Variants in ATXN1 observed in about 807,000 individuals in gnomAD.
The protein encoded by ATXN1 is ataxin 1.
In ATXN1, 8 loss-of-function variants were observed where a neutral mutation model predicts 56.4. The ratio of observed to expected loss-of-function variants is 0.14; its 90% confidence interval spans 0.08 to 0.26. The LOEUF is 0.26. ATXN1 is among the 10% of genes least tolerant of loss of function. ATXN1 has a pLI of 1.00. For missense variants in ATXN1, 987 were observed against 1,106.5 expected (o/e 0.89, Z 1.53); for synonymous variants, 514 against 494.6 (o/e 1.04, Z -0.52).
chr6:16,418,737 C>G (rs1248639882), intron 6 of ATXN1, among the ~76,000 whole-genome samples: 1 of 122,924 alleles, frequency 8.1e-6, no homozygotes, highest in Non-Finnish European at 1.7e-5. Flanking sequence ...CACAACAGTC[C>G]CCAGAGTGTG....
chr6:16,358,936 C>T (rs1158207233), intron 6 of ATXN1, among the ~76,000 whole-genome samples: 1 of 152,200 alleles, frequency 6.6e-6, no homozygotes, highest in Non-Finnish European at 1.5e-5. Context: ...AGCCCTGCCC[C>T]TTCCGAGTTG....
At chr6:16,567,114 C>T (rs1286409947) in intron 4 of ATXN1, among the ~76,000 whole-genome samples, 1 of 152,106 alleles carries the variant, frequency 6.6e-6, no homozygotes, top group African/African-American at 2.4e-5. Context: ...TCAATTTTTG[C>T]AAAACCCTTT....
intron 3 of ATXN1, among the ~76,000 whole-genome samples, chr6:16,593,260 C>G (rs9477182): frequency 0.077 from 11,771 of 152,226 alleles, 1,474 homozygotes; most frequent in African/African-American, 0.26. Context: ...AAAACCTCCA[C>G]CACTCAAGGA....
intron 6 of ATXN1, among the ~76,000 whole-genome samples, chr6:16,440,649 A>AAAAAAAAAAAAAAG (rs56105499): frequency 7.9e-5 from 9 of 113,698 alleles, no homozygotes; most frequent in Non-Finnish European, 1.1e-4. Flanking sequence ...TTAAAAAAAA[A>AAAAAAAAAAAAAAG]AAAGAAAAGA....
chr6:16,753,782 A>G (rs971285745), intron 1 of ATXN1, among the ~76,000 whole-genome samples: 2 of 152,248 alleles, frequency 1.3e-5, no homozygotes, highest in Non-Finnish European at 2.9e-5. Flanking sequence ...AACTTGAAAC[A>G]CAATGATGAA....
chr6:16,637,557 A>G (rs72825572), intron 3 of ATXN1, among the ~76,000 whole-genome samples: 2,106 of 152,312 alleles, frequency 0.014, 30 homozygotes, highest in Middle Eastern at 0.027. Context: ...TGAGCACACT[A>G]GAAGTCAACA....
chr6:16,728,373 T>C (rs1288720026), intron 2 of ATXN1, among the ~76,000 whole-genome samples: 2 of 152,102 alleles, frequency 1.3e-5, no homozygotes, highest in African/African-American at 2.4e-5. Flanking sequence ...TGGGGCAGAA[T>C]GAGGACAGGT....
At chr6:16,668,745 G>A (rs537107794) in intron 2 of ATXN1, among the ~76,000 whole-genome samples, 29 of 152,080 alleles carry the variant, frequency 1.9e-4, no homozygotes, top group Admixed American at 1.8e-3. Flanking sequence ...TTTTCAGTAG[G>A]AATGCCACAA....
intron 3 of ATXN1, among the ~76,000 whole-genome samples, chr6:16,616,613 T>A (rs1027571254): frequency 4.2e-5 from 6 of 144,202 alleles, no homozygotes; most frequent in African/African-American, 1.6e-4. Context: ...ATATATAAAA[T>A]ATTTTATATA....
At chr6:16,612,815 C>T (rs1166711507) in intron 3 of ATXN1, among the ~76,000 whole-genome samples, 7 of 150,726 alleles carry the variant, frequency 4.6e-5, no homozygotes, top group Non-Finnish European at 8.8e-5. Flanking sequence ...CACTTGAACC[C>T]GTAAGGTGGA....
intron 6 of ATXN1, among the ~76,000 whole-genome samples, chr6:16,441,658 A>C (rs1308066157): frequency 1.3e-5 from 2 of 152,198 alleles, no homozygotes; most frequent in Non-Finnish European, 2.9e-5. Flanking sequence ...GAAAAGAAAT[A>C]GTTGGATAGA....
At chr6:16,620,691 C>A (rs1034750951) in intron 3 of ATXN1, among the ~76,000 whole-genome samples, 4 of 152,200 alleles carry the variant, frequency 2.6e-5, no homozygotes, top group African/African-American at 4.8e-5. Flanking sequence ...ATATGCCCCC[C>A]CAAAAGGCTT....
chr6:16,507,562 A>G (rs1761003177), intron 5 of ATXN1, among the ~76,000 whole-genome samples: 1 of 152,230 alleles, frequency 6.6e-6, no homozygotes, highest in South Asian at 2.1e-4. Flanking sequence ...TGTATGCCTG[A>G]ATAAAAGGTA....
chr6:16,655,926 C>T (rs1490001723), intron 3 of ATXN1, among the ~76,000 whole-genome samples: 2 of 151,362 alleles, frequency 1.3e-5, no homozygotes, highest in East Asian at 3.9e-4. Flanking sequence ...CCCAGCTCTA[C>T]TAAAAATACA....
intron 6 of ATXN1, among the ~76,000 whole-genome samples, chr6:16,346,795 C>T (rs1283989047): frequency 1.3e-5 from 2 of 152,206 alleles, no homozygotes; most frequent in African/African-American, 4.8e-5. Flanking sequence ...CTTGAGGAGC[C>T]CTTCACCCCG....
rs574629162 is a variant in ATXN1, at chr6:16,369,087, C to T, written c.-160-40617G>A. The stretch of plus-strand genomic sequence containing the variant: ...AAATTAACCGCCTCTTCCTGGTGTT[C>T]GTCCGTGCCCCCTCCCAATCTTCAC... On this transcript the variant is annotated intron_variant, in intron 6 of 7. Transcript: ENST00000436367. Among the ~76,000 whole-genome samples, 46 of 152,268 alleles carry T rather than the reference C, an allele frequency of 3.0e-4. 1 individual carries two copies. The South Asian group carries it at 7.3e-3, about 24-fold the overall frequency.
intron 2 of ATXN1, among the ~76,000 whole-genome samples, chr6:16,742,602 C>T (rs535732289): frequency 2.0e-5 from 3 of 152,232 alleles, no homozygotes; most frequent in South Asian, 2.1e-4. Flanking sequence ...AACATATGGT[C>T]GCTCACACCA....
intron 2 of ATXN1, among the ~76,000 whole-genome samples, chr6:16,740,727 C>T (rs1760311636): frequency 6.6e-6 from 1 of 152,146 alleles, no homozygotes; most frequent in Non-Finnish European, 1.5e-5. Context: ...GAGACAGGGT[C>T]TCACTCTGTG....
chr6:16,745,074 T>A (rs1241900300), intron 2 of ATXN1, among the ~76,000 whole-genome samples: 1 of 152,130 alleles, frequency 6.6e-6, no homozygotes, highest in Non-Finnish European at 1.5e-5. Flanking sequence ...CTGAGAGGGA[T>A]CAAAGGAATG....
Sources: allele counts gnomAD v4.1 joint callset (sites outside exome capture counted in the v4.1 genomes callset), GRCh38; gene constraint gnomAD v4.1.1; transcripts MANE v1.5; gene names NCBI Gene and HGNC (gene_info 2026-07-23, HGNC 2026-07-21).